The following GAD2 variants were observed in gnomAD, a reference collection of about 807,000 sequenced individuals.
GAD2 encodes the protein glutamate decarboxylase 2.
A neutral mutation model predicts 80.1 loss-of-function variants in GAD2; 22 were observed. The observed-to-expected ratio is 0.27, with a 90% CI of 0.20 to 0.39. The LOEUF (loss-of-function observed/expected upper bound fraction) is 0.39, where lower values mean the gene tolerates loss of function less well. Among genes scored for constraint, GAD2 ranks in the 10% least tolerant of loss-of-function variants. GAD2 has a pLI of 1.00. For missense variants in GAD2, 624 were observed against 738.4 expected, an observed-to-expected ratio of 0.85 and a Z score of 1.80; for synonymous variants, 274 against 256.9, an observed-to-expected ratio of 1.07 and a Z score of -0.64.
intron 8 of GAD2, among the ~76,000 whole-genome samples, chr10:26,267,557 CTAAGTCCA>C (rs1462474438): frequency 1.3e-5 from 2 of 152,204 alleles, no homozygotes; most frequent in Non-Finnish European, 2.9e-5. Context: ...CTGCCCTAAT[CTAAGTCCA>C]TAGTCTTTGC....
intron 8 of GAD2, among the ~76,000 whole-genome samples, chr10:26,252,984 G>A (rs1844898179): frequency 6.6e-6 from 1 of 152,064 alleles, no homozygotes; most frequent in Non-Finnish European, 1.5e-5. Flanking sequence ...GCAGTCACAG[G>A]GGCTAACTTT....
chr10:26,229,196 GAAA>G (rs35900771), intron 6 of GAD2, among the ~76,000 whole-genome samples: 1 of 117,334 alleles, frequency 8.5e-6, no homozygotes, highest in African/African-American at 3.0e-5. Flanking sequence ...CCTGTCTCAA[GAAA>G]AAAAAAAAAA....
intron 7 of GAD2, among the ~76,000 whole-genome samples, chr10:26,234,523 A>T (rs1844646671): frequency 6.6e-6 from 1 of 152,180 alleles, no homozygotes; most frequent in African/African-American, 2.4e-5. Flanking sequence ...TATTTTATTG[A>T]ATTGAAAAAT....
chr10:26,251,229 C>T (rs1018890472), intron 8 of GAD2, among the ~76,000 whole-genome samples: 1 of 152,000 alleles, frequency 6.6e-6, no homozygotes, highest in African/African-American at 2.4e-5. Context: ...GACATGATAA[C>T]ATGAGTATTT....
chr10:26,288,099 T>A (rs923547976), intron 13 of GAD2, among the ~76,000 whole-genome samples: 1 of 152,192 alleles, frequency 6.6e-6, no homozygotes, highest in Non-Finnish European at 1.5e-5. Flanking sequence ...ATGGGATTCT[T>A]AACAAGAAAA....
rs1845266114 is a variant in GAD2, at chr10:26,281,107, G to A, written c.1236+20G>A. 1 of 1,579,692 alleles carries A rather than the reference G, an allele frequency of 6.3e-7. No homozygotes were observed. The highest frequency in any genetic ancestry group is 8.7e-7 in the Non-Finnish European group (1 of 1,149,246). On this transcript the variant is annotated intron_variant, in intron 12 of 15. Coordinates refer to ENST00000376261, the MANE Select transcript of GAD2 (RefSeq NM_001134366.2). ...GAAGAGGTATGTCTCTCTTGACTCT[G>A]TGTCCCAGTCCGTGCGTGGGCTTTG...
chr10:26,253,238 T>G (rs7912687), intron 8 of GAD2, among the ~76,000 whole-genome samples: 3,130 of 152,328 alleles, frequency 0.021, 113 homozygotes, highest in African/African-American at 0.069. Context: ...AATTACTTAT[T>G]AAATTCGAAA....
intron 8 of GAD2, among the ~76,000 whole-genome samples, chr10:26,268,025 A>G (rs1195311538): frequency 2.0e-5 from 3 of 152,226 alleles, no homozygotes; most frequent in Admixed American, 1.3e-4. Flanking sequence ...ACTGCTCACT[A>G]TATGCCAATA....
intron 4 of GAD2, among the ~76,000 whole-genome samples, chr10:26,221,824 C>T (rs1477797354): frequency 2.6e-5 from 4 of 152,216 alleles, no homozygotes; most frequent in African/African-American, 9.7e-5. Flanking sequence ...TGACGCAGTG[C>T]GCTCTGCTCC....
chr10:26,248,064 A>C (rs140353769), intron 8 of GAD2, among the ~76,000 whole-genome samples: 1 of 152,324 alleles, frequency 6.6e-6, no homozygotes, highest in African/African-American at 2.4e-5. Flanking sequence ...TTTGCAGGGC[A>C]CCAACCAAGG....
At chr10:26,258,121 C>G (rs1474399148) in intron 8 of GAD2, among the ~76,000 whole-genome samples, 1 of 152,228 alleles carries the variant, frequency 6.6e-6, no homozygotes, top group Non-Finnish European at 1.5e-5. Flanking sequence ...AGGCACAGCT[C>G]TAGCCACTTT....
chr10:26,239,261 T>TAA (rs1432329175), intron 7 of GAD2, among the ~76,000 whole-genome samples: 41 of 152,160 alleles, frequency 2.7e-4, no homozygotes, highest in Admixed American at 2.6e-3. Flanking sequence ...TCCTTTCTCT[T>TAA]TATTTGAGGT....
intron 7 of GAD2, among the ~76,000 whole-genome samples, chr10:26,232,312 T>A (rs1186469761): frequency 6.6e-6 from 1 of 152,134 alleles, no homozygotes; most frequent in Non-Finnish European, 1.5e-5. Flanking sequence ...AGCAAGCCAC[T>A]CTGTGCTCTC....
At chr10:26,232,240 T>G (rs543913748) in intron 7 of GAD2, among the ~76,000 whole-genome samples, 1 of 152,158 alleles carries the variant, frequency 6.6e-6, no homozygotes, top group South Asian at 2.1e-4. Context: ...GATCTTTTAT[T>G]GGGCGTCTTT....
At chr10:26,239,539 C>A (rs1157968048) in intron 7 of GAD2, among the ~76,000 whole-genome samples, 2 of 152,234 alleles carry the variant, frequency 1.3e-5, no homozygotes, top group African/African-American at 2.4e-5. Flanking sequence ...ATGTGGTCAA[C>A]AAATTCAACA....
intron 7 of GAD2, among the ~76,000 whole-genome samples, chr10:26,230,906 G>A (rs1844593097): frequency 6.6e-6 from 1 of 151,990 alleles, no homozygotes; most frequent in African/African-American, 2.4e-5. Flanking sequence ...TGACCAACAT[G>A]GTGAAACCTC....
intron 7 of GAD2, among the ~76,000 whole-genome samples, chr10:26,243,394 C>T (rs1844766635): frequency 6.6e-6 from 1 of 152,196 alleles, no homozygotes; most frequent in Non-Finnish European, 1.5e-5. Context: ...AGAGGACCCT[C>T]TTAGGATCCC....
At chr10:26,265,837 A>G (rs927404433) in intron 8 of GAD2, among the ~76,000 whole-genome samples, 2 of 152,256 alleles carry the variant, frequency 1.3e-5, no homozygotes, top group African/African-American at 4.8e-5. Context: ...TCTCATCTGC[A>G]GAGGACAATC....
Position 26,218,647 on chromosome 10 carries a change from C to A in GAD2, c.287-396C>A, listed in dbSNP as rs538622674. ...CAGAGATCCTAATGCACCTGTTCCA[C>A]TTTGGTTTGCCCGAAGGCATTCGAG... On this transcript the variant is annotated intron_variant, in intron 3 of 15. Coordinates refer to ENST00000376261, the MANE Select transcript of GAD2 (RefSeq NM_001134366.2). Among the ~76,000 whole-genome samples the A allele has an allele frequency of 2.6e-5, 4 of 151,804 alleles. No homozygotes were observed. The East Asian group carries it at 5.8e-4, about 22-fold the overall frequency.
Sources: allele counts gnomAD v4.1 joint callset (sites outside exome capture counted in the v4.1 genomes callset), GRCh38; gene constraint gnomAD v4.1.1; transcripts MANE v1.5; gene names NCBI Gene and HGNC (gene_info 2026-07-23, HGNC 2026-07-21).